The following CLSTN3 variants were observed in gnomAD, a reference collection of about 807,000 sequenced individuals.
The protein encoded by CLSTN3 is calsyntenin 3, also known as calsyntenin-3.
CLSTN3 carries 36 observed loss-of-function variants against 95.9 expected under a neutral mutation model. The ratio of observed to expected loss-of-function variants is 0.38; its 90% CI spans 0.29 to 0.50. CLSTN3 has a LOEUF of 0.50. Among genes scored for constraint, CLSTN3 ranks in the 20% least tolerant of loss-of-function variants. The pLI, the probability that CLSTN3 is intolerant of heterozygous loss-of-function variation, is 0.95. For missense variants in CLSTN3, 1,084 were observed against 1,268.8 expected, an observed-to-expected ratio of 0.85 and a Z score of 2.21; for synonymous variants, 481 against 504.0, an observed-to-expected ratio of 0.95 and a Z score of 0.61.
chr12:7,138,221 C>G (rs953316415), intron 8 of CLSTN3, among the ~76,000 whole-genome samples, 154 bp downstream of exon 8: 2 of 151,948 alleles, frequency 1.3e-5, no homozygotes, highest in Non-Finnish European at 2.9e-5. Flanking sequence ...CTCCCAGGTC[C>G]TCTTGTTCCC....
chr12:7,157,387 A>C lies in CLSTN3; in HGVS notation c.2528-102A>C. 2.1e-6 allele frequency: 2 copies of C among 972,922 alleles called. No individual in the cohort carries two copies. Among genetic ancestry groups the C allele is most frequent in the Non-Finnish European group, 3.0e-6 (2 of 675,080 alleles). 60.3% of individuals were successfully genotyped at this position (972,922 alleles called of 1,614,324 possible). A position where few individuals can be genotyped will look rare whatever the true frequency, so the allele number is the denominator to read the frequency against. On this transcript the variant is annotated intron_variant, in intron 16 of 17. Transcript: ENST00000266546. This position sits in a 1 kb window ranked among gnomAD's most constrained non-coding sequence, Gnocchi z 5.9. The stretch of plus-strand genomic sequence containing the variant: ...CGGCCACCGTGTGTTCTGCCCTGGG[A>C]GTCCTTCAGCCCGGGCTGCCTCTTT...
intron 16 of CLSTN3, among the ~76,000 whole-genome samples, chr12:7,152,992 C>T (rs1939750167): frequency 6.6e-6 from 1 of 152,208 alleles, no homozygotes; most frequent in Non-Finnish European, 1.5e-5. Context: ...TGAGGGGCTT[C>T]CCAGGGTTTT....
Position 7,133,258 on chromosome 12 carries a change from G to A in CLSTN3, c.187+112G>A. 7.1e-7 allele frequency: 1 copy of A among 1,400,636 alleles called. No homozygotes were observed. Among genetic ancestry groups the A allele is most frequent in the Non-Finnish European group, 9.8e-7 (1 of 1,023,362 alleles). The allele number at this position is 1,400,636 out of a possible 1,614,324, so 86.8% of individuals were successfully genotyped here. ...TGGGAGTGATGAGAAAGTAAGGGAAGATAAAAGTGGGCTCAAGGAGGGGAA... is the reference window on the plus strand; with the variant it reads ...TGGGAGTGATGAGAAAGTAAGGGAAAATAAAAGTGGGCTCAAGGAGGGGAA... On this transcript the variant is annotated intron_variant, in intron 2 of 17. Coordinates refer to ENST00000266546, the MANE Select transcript of CLSTN3 (RefSeq NM_014718.4). The surrounding 1 kb of genome is among the most constrained non-coding windows in gnomAD (Gnocchi z 4.7).
In CLSTN3 at chr12:7,137,651, C is replaced by G. The variant is rs1006238305; in HGVS notation, c.1211-304C>G. On this transcript the variant is annotated intron_variant, in intron 7 of 17. Transcript: ENST00000266546. This position sits in a 1 kb window ranked among gnomAD's most constrained non-coding sequence, Gnocchi z 4.4. Reference sequence around the variant, plus strand: ...TTGTCACCCATGATGTATGTATTAACCAAAGGACTGATGAAGAGCTGGTGA... The same window carrying G: ...TTGTCACCCATGATGTATGTATTAAGCAAAGGACTGATGAAGAGCTGGTGA... Among the ~76,000 whole-genome samples, 1 of 151,974 alleles carries G rather than the reference C, an allele frequency of 6.6e-6. No homozygotes were observed. The highest frequency in any genetic ancestry group is 6.6e-5 in the Admixed American group (1 of 15,252).
At chr12:7,154,518 G>T (rs1190359835) in intron 16 of CLSTN3, among the ~76,000 whole-genome samples, 3 of 152,178 alleles carry the variant, frequency 2.0e-5, no homozygotes, top group Admixed American at 1.3e-4. Context: ...AGTGTTTATG[G>T]TTAGAGAGAA....
rs1371775216 is a variant in CLSTN3, at chr12:7,137,078, A to C, written c.1178A>C (p.Glu393Ala). The C allele has an allele frequency of 2.5e-6, 4 of 1,613,750 alleles. No individual in the cohort carries two copies. Among genetic ancestry groups the C allele is most frequent in the Non-Finnish European group, 3.4e-6 (4 of 1,179,964 alleles). The change falls in exon 7 of 18, where the codon GAG (glutamate) becomes GCG (alanine). Residue 393 changes from glutamate (E) to alanine (A), a missense_variant. Transcript: ENST00000266546. The surrounding 1 kb of genome is among the most constrained non-coding windows in gnomAD (Gnocchi z 4.4). ...GVTPNKGKKEEETIVCNTVQN... is the reference protein window; with the variant it reads ...GVTPNKGKKEAETIVCNTVQN... Reference sequence around the variant, plus strand: ...ACTCCCAACAAGGGCAAGAAGGAAGAGGAAACCATCGTATGTAACACTGTC... The same window carrying C: ...ACTCCCAACAAGGGCAAGAAGGAAGCGGAAACCATCGTATGTAACACTGTC...
intron 8 of CLSTN3, chr12:7,138,555 C>G (rs1038489909): frequency 3.3e-5 from 5 of 152,840 alleles, no homozygotes; most frequent in Admixed American, 6.5e-5. Flanking sequence ...AATTCTATAT[C>G]CCAGAGTCGT....
At chr12:7,144,483 G>A (rs1224788671) in intron 12 of CLSTN3, among the ~76,000 whole-genome samples, 3 of 152,172 alleles carry the variant, frequency 2.0e-5, no homozygotes, top group Non-Finnish European at 2.9e-5. Context: ...GAATTGTTAC[G>A]ATGACTACAT....
Position 7,150,082 on chromosome 12 carries a change from C to T in CLSTN3, c.2245+389C>T, listed in dbSNP as rs1305731072. 1.3e-5 allele frequency among the ~76,000 whole-genome samples: 2 copies of T among 152,208 alleles called. No individual in the cohort carries two copies. The highest frequency in any genetic ancestry group is 2.9e-5 in the Non-Finnish European group (2 of 68,038). On this transcript the variant is annotated intron_variant, in intron 14 of 17. Coordinates refer to ENST00000266546, the MANE Select transcript of CLSTN3 (RefSeq NM_014718.4). The surrounding 1 kb of genome is among the most constrained non-coding windows in gnomAD (Gnocchi z 4.0). Reference sequence around the variant, plus strand: ...ATCTCACGTGCACACCAGAGCTTTACAAGAAGTACTCATCTCTTAGTGAAT... The same window carrying T: ...ATCTCACGTGCACACCAGAGCTTTATAAGAAGTACTCATCTCTTAGTGAAT...
rs768066416 is a variant in CLSTN3, at chr12:7,153,168, G to A, written c.2527+2105G>A. On this transcript the variant is annotated intron_variant, in intron 16 of 17. Transcript: ENST00000266546. Reference sequence around the variant, plus strand: ...TGAAAACAACCGCAGAGGCTTTTGGGAGGGAGAGACAGGGTCTTGTTCTGT... The same window carrying A: ...TGAAAACAACCGCAGAGGCTTTTGGAAGGGAGAGACAGGGTCTTGTTCTGT... 1.9e-4 allele frequency among the ~76,000 whole-genome samples: 29 copies of A among 152,238 alleles called. 1 individual carries two copies. The South Asian group carries it at 5.8e-3, about 30-fold the overall frequency.
At chr12:7,131,251 C>T (rs2135791672) in intron 1 of CLSTN3, 1 of 210,466 alleles carries the variant, frequency 4.8e-6, no homozygotes, top group East Asian at 1.3e-4. Flanking sequence ...TGTGGGTTAC[C>T]AGAGCTGCCC....
chr12:7,145,670 C>G (rs147396759), intron 12 of CLSTN3, among the ~76,000 whole-genome samples: 18 of 152,174 alleles, frequency 1.2e-4, no homozygotes, highest in African/African-American at 4.1e-4. Context: ...CTTTCCACAG[C>G]TCTTGACTTT....
intron 5 of CLSTN3, 58 bp from the exon 6 acceptor site, chr12:7,136,148 A>G (rs1192643094): frequency 3.9e-5 from 61 of 1,566,146 alleles, no homozygotes; most frequent in Non-Finnish European, 5.1e-5. Flanking sequence ...GAGCATGGAG[A>G]GGGGAGGCTG....
intron 12 of CLSTN3, among the ~76,000 whole-genome samples, chr12:7,147,713 C>G (rs1939645260): frequency 6.6e-6 from 1 of 151,860 alleles, no homozygotes; most frequent in Non-Finnish European, 1.5e-5. Flanking sequence ...CGGGGTTTCA[C>G]TATGTTGCCC....
rs1939836008 is a variant in CLSTN3 at position 7,157,395 on chromosome 12, A to G, written c.2528-94A>G. The stretch of plus-strand genomic sequence containing the variant: ...GTGTGTTCTGCCCTGGGAGTCCTTC[A>G]GCCCGGGCTGCCTCTTTTCCTACCC... On this transcript the variant is annotated intron_variant, in intron 16 of 17. Coordinates refer to ENST00000266546, the MANE Select transcript of CLSTN3 (RefSeq NM_014718.4). The surrounding 1 kb of genome is among the most constrained non-coding windows in gnomAD (Gnocchi z 5.9). 4 of 1,108,384 alleles carry G rather than the reference A, an allele frequency of 3.6e-6. No individual in the cohort carries two copies. Among genetic ancestry groups the G allele is most frequent in the South Asian group, 1.7e-5 (1 of 57,580 alleles). 68.7% of individuals were successfully genotyped at this position (1,108,384 alleles called of 1,614,324 possible).
chr12:7,156,708 G>A (rs761580039), intron 16 of CLSTN3: 18 of 456,860 alleles, frequency 3.9e-5, no homozygotes, highest in South Asian at 2.2e-4. Flanking sequence ...TCTAAGGTCC[G>A]TGTGAGAGTG....
At chr12:7,156,616 G>T (rs1201331661) in intron 16 of CLSTN3, 1 of 456,670 alleles carries the variant, frequency 2.2e-6, no homozygotes, top group East Asian at 6.9e-5. Context: ...TGTGGGGCGT[G>T]GCAACCTTTG....
chr12:7,133,595 C>T lies in CLSTN3; in HGVS notation c.210C>T (p.Leu70=), dbSNP rs759447166. Residue 70 remains leucine (L), a synonymous_variant, in exon 3 of 18, where the codon CTC becomes CTT. Coordinates refer to ENST00000266546, the MANE Select transcript of CLSTN3 (RefSeq NM_014718.4). This position sits in a 1 kb window ranked among gnomAD's most constrained non-coding sequence, Gnocchi z 4.7. ...CAGGTGAGATCTGCGGCTTCCGGCT[C>T]CATGGGTCTGGGGTGCCCTTTGAGG... ...RYAGEICGFR[L]HGSGVPFEAV... 5 of 1,614,090 alleles carry T rather than the reference C, an allele frequency of 3.1e-6. No homozygotes were observed. The highest frequency in any genetic ancestry group is 2.2e-5 in the South Asian group (2 of 91,076).
At chr12:7,132,921 G>A (rs1028366484) in intron 1 of CLSTN3, 103 bp from the exon 2 acceptor site, 1 of 1,516,778 alleles carries the variant, frequency 6.6e-7, no homozygotes, top group East Asian at 2.3e-5. Flanking sequence ...GGTGGAAAAG[G>A]TGATGGTGCT....
Sources: allele counts gnomAD v4.1 joint callset (sites outside exome capture counted in the v4.1 genomes callset), GRCh38; gene constraint gnomAD v4.1.1; non-coding constraint Gnocchi (gnomAD v3.1); transcripts MANE v1.5; gene names NCBI Gene and HGNC (gene_info 2026-07-23, HGNC 2026-07-21).